CYBRD1: variants seen among roughly 807,000 people sequenced by gnomAD.
CYBRD1 encodes plasma membrane ascorbate-dependent reductase CYBRD1.
A neutral mutation model predicts 21.9 loss-of-function variants in CYBRD1; 14 were observed. The observed-to-expected ratio is 0.64, with a 90% CI of 0.42 to 1.00. CYBRD1 has a LOEUF of 1.00. Among genes scored for constraint, CYBRD1 ranks in the 50% least tolerant of loss-of-function variants. The pLI is 0.00. For synonymous variants in CYBRD1, 146 were observed against 136.5 expected (o/e 1.07, Z -0.48); for missense variants, 328 against 352.5 (o/e 0.93, Z 0.56).
chr2:171,541,890 A>G (rs1288401776), intron 2 of CYBRD1, 97 bp downstream of exon 2: 20 of 1,078,190 alleles, frequency 1.9e-5, no homozygotes, highest in Non-Finnish European at 2.5e-5. Context: ...TTTGAGACAG[A>G]GTCTCGCTTA....
chr2:171,537,906 T>C (rs1697568719), intron 1 of CYBRD1, among the ~76,000 whole-genome samples: 1 of 152,198 alleles, frequency 6.6e-6, no homozygotes, highest in African/African-American at 2.4e-5. Flanking sequence ...CTAATTACCT[T>C]GATCTGATCA....
intron 1 of CYBRD1, among the ~76,000 whole-genome samples, chr2:171,528,457 A>G (rs1697416257): frequency 6.6e-6 from 1 of 152,024 alleles, no homozygotes; most frequent in South Asian, 2.1e-4. Flanking sequence ...CCTGATTCTC[A>G]TGGCTCTTCT....
intron 1 of CYBRD1, among the ~76,000 whole-genome samples, chr2:171,529,653 G>A (rs1697435377): frequency 6.6e-6 from 1 of 152,096 alleles, no homozygotes; most frequent in South Asian, 2.1e-4. Flanking sequence ...GCTGGGCAGT[G>A]GCAGTGGGCA....
intron 1 of CYBRD1, among the ~76,000 whole-genome samples, chr2:171,532,911 G>A (rs866877001): frequency 1.1e-3 from 165 of 146,632 alleles, no homozygotes; most frequent in African/African-American, 3.8e-3. Flanking sequence ...GTGTGTGTGT[G>A]TATGGAAACA....
At chr2:171,550,668 A>G (rs549796174) in intron 2 of CYBRD1, among the ~76,000 whole-genome samples, 1 of 152,298 alleles carries the variant, frequency 6.6e-6, no homozygotes, top group African/African-American at 2.4e-5. Flanking sequence ...TTTTGTTGCA[A>G]AAAATGTTTA....
intron 1 of CYBRD1, among the ~76,000 whole-genome samples, chr2:171,532,528 G>A (rs1003586781): frequency 6.6e-6 from 1 of 152,148 alleles, no homozygotes; most frequent in Non-Finnish European, 1.5e-5. Flanking sequence ...GGCCTGGCAT[G>A]GTGGCTTATG....
intron 2 of CYBRD1, 52 bp from the exon 3 acceptor site, chr2:171,553,294 T>A: frequency 1.3e-6 from 2 of 1,594,568 alleles, no homozygotes; most frequent in East Asian, 2.3e-5. Flanking sequence ...TAATTTAAAA[T>A]TAGTTTAGAA....
At chr2:171,544,904 C>T (rs1271578346) in intron 2 of CYBRD1, among the ~76,000 whole-genome samples, 1 of 151,996 alleles carries the variant, frequency 6.6e-6, no homozygotes, top group East Asian at 1.9e-4. Context: ...TTTGGGATGC[C>T]TAGGTGGGAG....
chr2:171,522,239 C>G (rs1697314890), upstream of CYBRD1: 1 of 1,549,874 alleles, frequency 6.5e-7, no homozygotes, highest in Non-Finnish European at 8.7e-7. The surrounding 1 kb of genome is among the most constrained non-coding windows in gnomAD (Gnocchi z 4.3). Flanking sequence ...GAGCAACTAA[C>G]TAGGTCTGTT....
chr2:171,554,422 T>C (rs997807861), intron 3 of CYBRD1, 102 bp from the exon 4 acceptor site: 16 of 1,164,926 alleles, frequency 1.4e-5, no homozygotes, highest in Middle Eastern at 2.8e-4. Flanking sequence ...AGAGTTTACA[T>C]TGAAACTGTA....
rs6759970 is a variant in CYBRD1 at position 171,554,986 on chromosome 2, A to G, written c.*159A>G. 2.2e-4 allele frequency: 169 copies of G among 758,136 alleles called. No homozygotes were observed. The African/African-American group carries it at 2.5e-3, about 11-fold the overall frequency. The allele number at this position is 758,136 out of a possible 1,614,324, so 47.0% of individuals were successfully genotyped here. On this transcript the variant is annotated 3_prime_UTR_variant, in exon 4 of 4. Coordinates refer to ENST00000321348, the MANE Select transcript of CYBRD1 (RefSeq NM_024843.4). ...AAATAATTTGTATTGATTGAGGCCTATGAACTGACCTGAATTGGAAAGGAT... is the reference window on the plus strand; with the variant it reads ...AAATAATTTGTATTGATTGAGGCCTGTGAACTGACCTGAATTGGAAAGGAT...
chr2:171,531,367 CTG>C (rs1268549030), intron 1 of CYBRD1, among the ~76,000 whole-genome samples: 1 of 152,122 alleles, frequency 6.6e-6, no homozygotes, highest in Non-Finnish European at 1.5e-5. Context: ...GTACCAGACA[CTG>C]TGTAAAACAA....
chr2:171,548,740 C>G (rs1697757008), intron 2 of CYBRD1, among the ~76,000 whole-genome samples: 1 of 144,028 alleles, frequency 6.9e-6, no homozygotes, highest in Admixed American at 7.0e-5. Flanking sequence ...GCAATAAGAG[C>G]TTTTGTTATG....
chr2:171,551,968 A>G (rs979184383), intron 2 of CYBRD1, among the ~76,000 whole-genome samples: 12 of 152,040 alleles, frequency 7.9e-5, no homozygotes, highest in African/African-American at 2.7e-4. Flanking sequence ...TGCTTAACTC[A>G]GTAGCTGAGA....
chr2:171,554,078 T>C (rs1318905277), intron 3 of CYBRD1, among the ~76,000 whole-genome samples: 1 of 152,170 alleles, frequency 6.6e-6, no homozygotes, highest in Non-Finnish European at 1.5e-5. Context: ...AATGAAGTGG[T>C]GGCCTGCAGT....
chr2:171,526,994 A>T (rs1329556137), intron 1 of CYBRD1, among the ~76,000 whole-genome samples: 1 of 152,206 alleles, frequency 6.6e-6, no homozygotes, highest in African/African-American at 2.4e-5. Context: ...CTTAAAAAAC[A>T]GTTGGGATAT....
rs1384351881 is a variant in CYBRD1, at chr2:171,522,525, G to A, written c.-21G>A. 1.3e-6 allele frequency: 2 copies of A among 1,580,392 alleles called. No individual in the cohort carries two copies. The highest frequency in any genetic ancestry group is 1.7e-6 in the Non-Finnish European group (2 of 1,164,422). ...CTCTCCAAGTTCTTGTGGCCCCCGC[G>A]GTGCGGAGTATGGGGCGCTGATGGC... On this transcript the variant is annotated 5_prime_UTR_variant, in exon 1 of 4. Transcript: ENST00000321348. This position sits in a 1 kb window ranked among gnomAD's most constrained non-coding sequence, Gnocchi z 4.3.
chr2:171,546,304 C>T (rs1046226747), intron 2 of CYBRD1, among the ~76,000 whole-genome samples: 6 of 152,198 alleles, frequency 3.9e-5, no homozygotes, highest in African/African-American at 1.4e-4. Flanking sequence ...TAATCCTTCA[C>T]AAAATCATAA....
intron 2 of CYBRD1, among the ~76,000 whole-genome samples, chr2:171,548,633 C>G (rs1286971712): frequency 2.3e-5 from 3 of 128,662 alleles, no homozygotes; most frequent in Non-Finnish European, 4.7e-5. Flanking sequence ...CTCATTAAAT[C>G]TACCTGTACC....
Sources: allele counts gnomAD v4.1 joint callset (sites outside exome capture counted in the v4.1 genomes callset), GRCh38; gene constraint gnomAD v4.1.1; non-coding constraint Gnocchi (gnomAD v3.1); transcripts MANE v1.5; gene names NCBI Gene and HGNC (gene_info 2026-07-23, HGNC 2026-07-21).